Variants in EP400 observed in about 807,000 individuals in gnomAD.
The protein encoded by EP400 is E1A-binding protein p400.
EP400 carries 105 observed loss-of-function variants against 354.1 expected under a neutral mutation model. The ratio of observed to expected loss-of-function variants is 0.30; its 90% CI spans 0.25 to 0.35. The LOEUF (loss-of-function observed/expected upper bound fraction) is 0.35, where lower values mean the gene tolerates loss of function less well. Ranked by LOEUF, EP400 falls within the 10% of genes least tolerant of loss-of-function variation. EP400 has a pLI of 1.00. For synonymous variants in EP400, 1,646 were observed against 1,716.9 expected (o/e 0.96, Z 1.02); for missense variants, 3,280 against 4,121.0 (o/e 0.80, Z 5.59).
In EP400 at chr12:131,986,611, C is replaced by T. The variant is rs779418576; in HGVS notation, c.2027C>T (p.Ser676Phe). The change falls in exon 6 of 53, where the codon TCC becomes TTC. Residue 676 changes from serine to phenylalanine, a missense_variant. This residue lies in a region of EP400 where 800 missense variants were observed against 840.0 expected (regional missense o/e 0.95). Coordinates refer to ENST00000389561, the MANE Select transcript of EP400 (RefSeq NM_015409.5). ...STSSLAPVSG[S>F]GPGPSPARSS... ...TCGTCCCTCGCGCCTGTGAGTGGCT[C>T]CGGCCCAGGACCCTCCCCTGCTCGA... 2 of 1,613,944 alleles carry T rather than the reference C, an allele frequency of 1.2e-6. No homozygotes were observed. Among genetic ancestry groups the T allele is most frequent in the African/African-American group, 2.7e-5 (2 of 74,904 alleles).
intron 12 of EP400, among the ~76,000 whole-genome samples, chr12:132,000,007 G>A (rs1229492685): frequency 6.8e-6 from 1 of 147,654 alleles, no homozygotes; most frequent in Non-Finnish European, 1.5e-5. Context: ...TCTGGCGCCT[G>A]TATATTGTTT....
rs1198542711 is a variant in EP400, at chr12:132,027,647, G to A, written c.5109+116G>A. The A allele has an allele frequency of 3.7e-6, 3 of 820,704 alleles. No individual in the cohort carries two copies. The highest frequency in any genetic ancestry group is 5.6e-6 in the Non-Finnish European group (3 of 533,302). The allele number at this position is 820,704 out of a possible 1,614,324, so 50.8% of individuals were successfully genotyped here. A position where few individuals can be genotyped will look rare whatever the true frequency, so the allele number is the denominator to read the frequency against. ...CTGTGAATTCTCAAGTGATGTTACTGAATTCTTATTTTAAAACACACATTT... is the reference window on the plus strand; with the variant it reads ...CTGTGAATTCTCAAGTGATGTTACTAAATTCTTATTTTAAAACACACATTT... On this transcript the variant is annotated intron_variant, in intron 26 of 52. Coordinates refer to ENST00000389561, the MANE Select transcript of EP400 (RefSeq NM_015409.5). This position sits in a 1 kb window ranked among gnomAD's most constrained non-coding sequence, Gnocchi z 4.9.
Position 132,044,973 on chromosome 12 carries a change from C to A in EP400, c.6784+20C>A. 2.5e-6 allele frequency: 4 copies of A among 1,612,572 alleles called. No individual in the cohort carries two copies. Among genetic ancestry groups the A allele is most frequent in the Non-Finnish European group, 2.5e-6 (3 of 1,179,544 alleles). On this transcript the variant is annotated intron_variant, in intron 37 of 52. Coordinates refer to ENST00000389561, the MANE Select transcript of EP400 (RefSeq NM_015409.5). Reference sequence around the variant, plus strand: ...CCTCAGGTGCGCATCCCGAGGGCGTCACATGACCTGGGGGGGCCCTGGCCT... The same window carrying A: ...CCTCAGGTGCGCATCCCGAGGGCGTAACATGACCTGGGGGGGCCCTGGCCT...
chr12:132,024,826 G>C (rs1051280042), intron 24 of EP400, among the ~76,000 whole-genome samples: 1 of 92,736 alleles, frequency 1.1e-5, no homozygotes, highest in Non-Finnish European at 2.2e-5. Context: ...CAGCAGCCCC[G>C]GTGGCACCTT....
In EP400 at chr12:131,986,797, A is replaced by T. The variant is rs1053531368; in HGVS notation, c.2213A>T (p.Gln738Leu). 6.2e-7 allele frequency: 1 copy of T among 1,606,332 alleles called. No individual in the cohort carries two copies. The highest frequency in any genetic ancestry group is 1.3e-5 in the African/African-American group (1 of 74,728). Reference protein sequence around the residue: ...QDSSQDTLTEQITLENQVHQR... With the variant: ...QDSSQDTLTELITLENQVHQR... Reference sequence around the variant, plus strand: ...AGTTCTCAGGATACGCTGACAGAACAAATAACTCTGGTAAGCATGCTTAAG... The same window carrying T: ...AGTTCTCAGGATACGCTGACAGAACTAATAACTCTGGTAAGCATGCTTAAG... Residue 738 changes from glutamine to leucine, a missense_variant, in exon 6 of 53, where the codon CAA becomes CTA. This residue lies in a region of EP400 where 800 missense variants were observed against 840.0 expected (regional missense o/e 0.95). Coordinates refer to ENST00000389561, the MANE Select transcript of EP400 (RefSeq NM_015409.5).
chr12:132,016,615 G>A (rs981406526), intron 19 of EP400, among the ~76,000 whole-genome samples: 2 of 152,024 alleles, frequency 1.3e-5, no homozygotes, highest in Non-Finnish European at 2.9e-5. Context: ...CTAGTGATCC[G>A]CCCACCTTGG....
intron 1 of EP400, 58 bp from the exon 2 acceptor site, chr12:131,960,526 GT>G: frequency 7.0e-7 from 1 of 1,433,498 alleles, no homozygotes; most frequent in Non-Finnish European, 9.3e-7. Context: ...GTGCTGTTAA[GT>G]GTCAATAAAA....
At chr12:131,977,330 A>G (rs1490493392) in intron 2 of EP400, among the ~76,000 whole-genome samples, 1 of 148,712 alleles carries the variant, frequency 6.7e-6, no homozygotes, top group Non-Finnish European at 1.5e-5. Context: ...TATTTTTAGT[A>G]GAGACGGAGT....
chr12:132,024,077 T>C (rs1593354592), intron 24 of EP400, 136 bp downstream of exon 24: 1 of 1,003,870 alleles, frequency 1.0e-6, no homozygotes, highest in South Asian at 2.1e-5. Flanking sequence ...TCTCACCTCA[T>C]GGGTTCATGG....
chr12:131,967,733 C>T (rs1892152789), intron 2 of EP400, among the ~76,000 whole-genome samples: 1 of 151,804 alleles, frequency 6.6e-6, no homozygotes, highest in Non-Finnish European at 1.5e-5. Flanking sequence ...TCCAAACTTT[C>T]TCAAAGTGCC....
chr12:132,050,277 G>A lies in EP400; in HGVS notation c.7201-46G>A, dbSNP rs777400981. ...AGCCCTGTGTCCCACGCAGCCGTCTGTCCATGCTGCCTAATTCAGATGCAC... is the reference window on the plus strand; with the variant it reads ...AGCCCTGTGTCCCACGCAGCCGTCTATCCATGCTGCCTAATTCAGATGCAC... On this transcript the variant is annotated intron_variant, in intron 39 of 52. Transcript: ENST00000389561. This position sits in a 1 kb window ranked among gnomAD's most constrained non-coding sequence, Gnocchi z 4.8. 3.7e-6 allele frequency: 6 copies of A among 1,609,594 alleles called. No individual in the cohort carries two copies. The highest frequency in any genetic ancestry group is 5.1e-6 in the Non-Finnish European group (6 of 1,177,040).
At chr12:131,974,968 C>T (rs376485594) in intron 2 of EP400, among the ~76,000 whole-genome samples, 7 of 123,188 alleles carry the variant, frequency 5.7e-5, no homozygotes, top group East Asian at 4.6e-4. Context: ...CCATCCTGGG[C>T]GACAGAGAGA....
intron 2 of EP400, among the ~76,000 whole-genome samples, chr12:131,971,468 A>G (rs1195306136): frequency 6.6e-6 from 1 of 152,180 alleles, no homozygotes; most frequent in Non-Finnish European, 1.5e-5. Flanking sequence ...TCTTCAAGAC[A>G]CGGATTTCCT....
chr12:132,016,367 C>CT (rs937900342), intron 19 of EP400, among the ~76,000 whole-genome samples: 5 of 151,344 alleles, frequency 3.3e-5, no homozygotes, highest in Non-Finnish European at 4.4e-5. Flanking sequence ...CTTTTTTTTT[C>CT]TTTTTTTTCC....
chr12:132,043,021 C>T (rs556534348), intron 32 of EP400, among the ~76,000 whole-genome samples: 17 of 152,340 alleles, frequency 1.1e-4, no homozygotes, highest in South Asian at 8.3e-4. Flanking sequence ...TGCCCTGGCA[C>T]GCTTTGCCTG....
rs4075351 is a variant in EP400, at chr12:132,062,256, C to T, written c.8031C>T (p.Ala2677=). The change falls in exon 46 of 53, where the codon GCC becomes GCT. Residue 2677 remains alanine, a synonymous_variant. Transcript: ENST00000389561. ...CGGTCACTTCTGTGACAGCCTCGGC[C>T]GTGGTCACTACCAACCTGACCCCAG... The part of the protein sequence containing the change: ...VRAVTSVTAS[A]VVTTNLTPVQ... The T allele has an allele frequency of 1.5e-5, 24 of 1,614,080 alleles. No individual in the cohort carries two copies. Among genetic ancestry groups the T allele is most frequent in the Middle Eastern group, 3.3e-4 (2 of 6,084 alleles).
At chr12:132,001,037 A>G (rs758109061) in intron 12 of EP400, among the ~76,000 whole-genome samples, 2 of 151,892 alleles carry the variant, frequency 1.3e-5, no homozygotes, top group Non-Finnish European at 2.9e-5. Flanking sequence ...GTGATTTTTG[A>G]CAATTTATTG....
At chr12:131,997,329 GC>G (rs1289704439) in intron 12 of EP400, among the ~76,000 whole-genome samples, 1 of 151,500 alleles carries the variant, frequency 6.6e-6, no homozygotes, top group Admixed American at 6.6e-5. Context: ...GGAGTGAGTG[GC>G]GGATCACAGC....
rs1194853591 is a variant in EP400, at chr12:132,011,545, A to G, written c.3352A>G (p.Lys1118Glu). 6.2e-7 allele frequency: 1 copy of G among 1,614,206 alleles called. No homozygotes were observed. Among genetic ancestry groups the G allele is most frequent in the East Asian group, 2.2e-5 (1 of 44,892 alleles). Residue 1118 changes from lysine (K) to glutamate (E), a missense_variant, in exon 16 of 53, where the codon AAG becomes GAG. Lys to Glu is a moderately conservative substitution (Grantham distance 56). Coordinates refer to ENST00000389561, the MANE Select transcript of EP400 (RefSeq NM_015409.5). ...TGTTGTGAGAAGTTGTAACATACTCAAGTGGGAGCTTGAATTGAAACGTTG... is the reference window on the plus strand; with the variant it reads ...TGTTGTGAGAAGTTGTAACATACTCGAGTGGGAGCTTGAATTGAAACGTTG... ...LVVVRSCNIL[K>E]WELELKRWCP...
Sources: allele counts gnomAD v4.1 joint callset (sites outside exome capture counted in the v4.1 genomes callset), GRCh38; gene constraint gnomAD v4.1.1; regional missense constraint gnomAD v4.1.1; non-coding constraint Gnocchi (gnomAD v3.1); transcripts MANE v1.5; gene names NCBI Gene and HGNC (gene_info 2026-07-23, HGNC 2026-07-21).